Variants in FRMD4A observed in about 807,000 individuals in gnomAD.
FRMD4A encodes FERM domain-containing protein 4A.
Under a neutral mutation model 129.1 loss-of-function variants are expected in FRMD4A, and 29 were observed. The ratio of observed to expected loss-of-function variants is 0.22; its 90% CI spans 0.17 to 0.31. The LOEUF is 0.31. Ranked by LOEUF, FRMD4A falls within the 10% of genes least tolerant of loss-of-function variation. FRMD4A has a pLI of 1.00. For missense variants in FRMD4A, 1,272 were observed against 1,375.8 expected (o/e 0.92, Z 1.19); for synonymous variants, 634 against 571.6 (o/e 1.11, Z -1.56).
chr10:13,951,750 C>G (rs562863282), intron 2 of FRMD4A, among the ~76,000 whole-genome samples: 1 of 151,852 alleles, frequency 6.6e-6, no homozygotes, highest in African/African-American at 2.4e-5. Context: ...ATTAGCCAGG[C>G]GTGGTGGCGG....
chr10:13,936,432 T>C (rs572328795), intron 2 of FRMD4A, among the ~76,000 whole-genome samples: 1 of 152,236 alleles, frequency 6.6e-6, no homozygotes, highest in South Asian at 2.1e-4. Flanking sequence ...AATTCCTATA[T>C]TGGAATCCTC....
rs748252041 is a variant in FRMD4A, at chr10:14,191,991, A to G, written c.45+138067T>C. On this transcript the variant is annotated intron_variant, in intron 2 of 24. Coordinates refer to ENST00000357447, the MANE Select transcript of FRMD4A (RefSeq NM_018027.5). ...CCACTTTTTCACATCCCCGGTTGAC[A>G]TTTCAACCAGGCTTTAACCTCCACT... Among the ~76,000 whole-genome samples, 4 of 152,078 alleles carry G rather than the reference A, an allele frequency of 2.6e-5. No homozygotes were observed. In the South Asian group the frequency reaches 8.3e-4, roughly 32 times the overall value.
intron 2 of FRMD4A, among the ~76,000 whole-genome samples, chr10:13,940,926 G>A (rs946370975): frequency 6.6e-6 from 1 of 152,186 alleles, no homozygotes; most frequent in African/African-American, 2.4e-5. Flanking sequence ...GCCAGGCTAG[G>A]ATTCATTCTC....
intron 16 of FRMD4A, among the ~76,000 whole-genome samples, chr10:13,674,618 A>G (rs1334627606): frequency 6.6e-6 from 1 of 152,226 alleles, no homozygotes; most frequent in East Asian, 1.9e-4. Flanking sequence ...TATTAACAGT[A>G]TCACATAGTG....
chr10:13,889,052 C>T (rs541793184), intron 2 of FRMD4A, among the ~76,000 whole-genome samples: 28 of 152,174 alleles, frequency 1.8e-4, no homozygotes, highest in Middle Eastern at 3.2e-3. Flanking sequence ...GCATGCTGCA[C>T]GCACGTGCGG....
At chr10:14,213,739 C>T (rs1842993453) in intron 2 of FRMD4A, among the ~76,000 whole-genome samples, 2 of 152,168 alleles carry the variant, frequency 1.3e-5, no homozygotes, top group Admixed American at 1.3e-4. Flanking sequence ...GCTGTGTCCC[C>T]ACCCAAATCT....
chr10:14,187,108 G>A (rs1842169825), intron 2 of FRMD4A, among the ~76,000 whole-genome samples: 2 of 147,764 alleles, frequency 1.4e-5, no homozygotes, highest in Admixed American at 1.3e-4. Context: ...GACAGAGCAA[G>A]GCTCTGTCTC....
rs1357939330 is a variant in FRMD4A, at chr10:14,009,389, GC to G, written c.46-150478del. ...TGTTCTGAGTTTTATGAAAGGGATG[GC>G]CATTTCCTTTGTAATCATCCCGTGG... On this transcript the variant is annotated intron_variant, in intron 2 of 24. Transcript: ENST00000357447. Among the ~76,000 whole-genome samples, 15 of 152,184 alleles carry G rather than the reference GC, an allele frequency of 9.9e-5. No homozygotes were observed. The East Asian group carries it at 2.7e-3, about 27-fold the overall frequency.
At chr10:14,051,991 G>C (rs1299951259) in intron 2 of FRMD4A, among the ~76,000 whole-genome samples, 1 of 152,222 alleles carries the variant, frequency 6.6e-6, no homozygotes, top group Non-Finnish European at 1.5e-5. Context: ...AGGTCACACT[G>C]GAGTAGGGTA....
At chr10:13,729,132 C>CGCCCAAGGCCACGGTCTGTCACCCACAG (rs141124690) in intron 12 of FRMD4A, among the ~76,000 whole-genome samples, 1 of 151,666 alleles carries the variant, frequency 6.6e-6, no homozygotes, top group Non-Finnish European at 1.5e-5. Flanking sequence ...GGTCTCTAGA[C>CGCCCAAGGCCACGGTCTGTCACCCACAG]GCATGGAAAG....
intron 2 of FRMD4A, among the ~76,000 whole-genome samples, chr10:14,252,973 A>AT (rs1844490434): frequency 6.6e-6 from 1 of 152,224 alleles, no homozygotes; most frequent in Middle Eastern, 3.2e-3. Context: ...ATATCAGTGT[A>AT]GACTCATGGA....
intron 2 of FRMD4A, among the ~76,000 whole-genome samples, chr10:14,106,045 T>A (rs1411027626): frequency 6.6e-6 from 1 of 152,238 alleles, no homozygotes; most frequent in Non-Finnish European, 1.5e-5. Flanking sequence ...TCTTATTCTA[T>A]CATTCCTATA....
intron 2 of FRMD4A, among the ~76,000 whole-genome samples, chr10:14,200,805 G>A (rs754419489): frequency 1.3e-5 from 2 of 152,178 alleles, no homozygotes; most frequent in Non-Finnish European, 2.9e-5. Context: ...TGAGCTTACA[G>A]GGAAGCGTGG....
intron 2 of FRMD4A, among the ~76,000 whole-genome samples, chr10:14,148,711 G>A (rs987336734): frequency 5.3e-5 from 8 of 151,570 alleles, no homozygotes; most frequent in South Asian, 4.2e-4. Flanking sequence ...GCAGTAAGCC[G>A]AGATTGCGCC....
intron 2 of FRMD4A, among the ~76,000 whole-genome samples, chr10:14,325,936 A>G (rs1843255636): frequency 6.6e-6 from 1 of 152,236 alleles, no homozygotes. Context: ...GAATGGAAAG[A>G]AACTTCAGGA....
chr10:13,853,210 A>G (rs1276396079), intron 3 of FRMD4A, among the ~76,000 whole-genome samples: 2 of 152,090 alleles, frequency 1.3e-5, no homozygotes, highest in Non-Finnish European at 2.9e-5. Context: ...GGGGATGGAG[A>G]GCACTCCTAT....
chr10:14,142,150 A>G (rs1470897414), intron 2 of FRMD4A, among the ~76,000 whole-genome samples: 7 of 149,582 alleles, frequency 4.7e-5, no homozygotes, highest in African/African-American at 1.8e-4. Flanking sequence ...CAAACAAAAA[A>G]GTTTTTTTTT....
chr10:14,024,656 G>A (rs1832908316), intron 2 of FRMD4A, among the ~76,000 whole-genome samples: 1 of 152,230 alleles, frequency 6.6e-6, no homozygotes, highest in Non-Finnish European at 1.5e-5. Flanking sequence ...ATGGTGCTAT[G>A]GGATCAGAAT....
At chr10:13,762,355 A>G (rs2092108346) in intron 7 of FRMD4A, among the ~76,000 whole-genome samples, 1 of 152,208 alleles carries the variant, frequency 6.6e-6, no homozygotes, top group African/African-American at 2.4e-5. Context: ...TGGGGTCAGT[A>G]AATGATCTCA....
Sources: gnomAD v4.1 joint callset for allele counts (sites outside exome capture counted in the v4.1 genomes callset) on GRCh38, gnomAD v4.1.1 for gene constraint, MANE v1.5 for transcripts, NCBI Gene and HGNC (gene_info 2026-07-23, HGNC 2026-07-21) for gene names.